SGCD: variants seen among roughly 807,000 people sequenced by gnomAD.
SGCD encodes the protein sarcoglycan delta.
In SGCD, 18 loss-of-function variants were observed where a neutral mutation model predicts 36.6. The observed-to-expected ratio is 0.49, with a 90% CI of 0.34 to 0.73. SGCD has a LOEUF of 0.73. Ranked by LOEUF, SGCD falls within the 30% of genes least tolerant of loss-of-function variation. The pLI is 0.01. For synonymous variants in SGCD, 133 were observed against 130.6 expected (o/e 1.02, Z -0.12); for missense variants, 387 against 346.7 (o/e 1.12, Z -0.92).
At chr5:156,403,629 A>C (rs1176502577) in intron 3 of SGCD, among the ~76,000 whole-genome samples, 2 of 152,156 alleles carry the variant, frequency 1.3e-5, no homozygotes, top group Non-Finnish European at 2.9e-5. Flanking sequence ...CTTTGTGTGC[A>C]CATCTAGAAT....
chr5:156,034,897 G>A (rs925682393), intron 1 of SGCD, among the ~76,000 whole-genome samples: 1 of 152,224 alleles, frequency 6.6e-6, no homozygotes, highest in Non-Finnish European at 1.5e-5. Flanking sequence ...GTTAAAATGT[G>A]TAGTTCAGAG....
intron 7 of SGCD, among the ~76,000 whole-genome samples, chr5:156,676,260 C>G (rs1420949320): frequency 6.6e-6 from 1 of 152,090 alleles, no homozygotes; most frequent in Non-Finnish European, 1.5e-5. Context: ...TCTCATAACC[C>G]CAGGTTGTTG....
At chr5:156,054,284 C>CTTTT (rs70981996) in intron 1 of SGCD, among the ~76,000 whole-genome samples, 2 of 80,386 alleles carry the variant, frequency 2.5e-5, no homozygotes, top group African/African-American at 3.8e-5. Context: ...AACTTTCCTT[C>CTTTT]TTTTTTTTTT....
At position 156,646,840 on chromosome 5, in the gene SGCD, G is replaced by T. The variant is rs548431782; in HGVS notation, c.503-624G>T. ...GTGTTGACAAGTTGTAAAGATAAAA[G>T]CTTATAGCACAGTCAAGAGCTAAAT... On this transcript the variant is annotated intron_variant, in intron 6 of 8. Coordinates refer to ENST00000337851, the MANE Select transcript of SGCD (RefSeq NM_000337.6). Among the ~76,000 whole-genome samples the T allele has an allele frequency of 2.6e-5, 4 of 152,274 alleles. No homozygotes were observed. In the South Asian group the frequency reaches 8.3e-4, roughly 32 times the overall value.
chr5:156,128,950 G>T (rs1327261693), intron 3 of SGCD, among the ~76,000 whole-genome samples: 1 of 152,168 alleles, frequency 6.6e-6, no homozygotes, highest in Non-Finnish European at 1.5e-5. Context: ...GGTGAAAGAA[G>T]TCTAACACCA....
chr5:156,733,385 C>A (rs1487642069), intron 7 of SGCD, among the ~76,000 whole-genome samples: 1 of 151,768 alleles, frequency 6.6e-6, no homozygotes, highest in Non-Finnish European at 1.5e-5. Flanking sequence ...GTTTGAGAGA[C>A]TGTTATTATT....
intron 3 of SGCD, among the ~76,000 whole-genome samples, chr5:156,453,766 T>A (rs1754130227): frequency 6.6e-6 from 1 of 152,158 alleles, no homozygotes; most frequent in Non-Finnish European, 1.5e-5. Flanking sequence ...AAAACTCTGG[T>A]ACATCCATAC....
chr5:156,598,472 G>A (rs1214483217), intron 6 of SGCD, among the ~76,000 whole-genome samples: 1 of 152,212 alleles, frequency 6.6e-6, no homozygotes, highest in Non-Finnish European at 1.5e-5. Flanking sequence ...AACCCAGGTG[G>A]TGGAGGTTGC....
intron 3 of SGCD, among the ~76,000 whole-genome samples, chr5:156,469,447 A>G (rs980627086): frequency 6.6e-6 from 1 of 152,240 alleles, no homozygotes; most frequent in Non-Finnish European, 1.5e-5. Flanking sequence ...CCAAGTATGC[A>G]TAGTAATATA....
At chr5:156,145,939 C>T (rs568959770) in intron 3 of SGCD, among the ~76,000 whole-genome samples, 20 of 152,282 alleles carry the variant, frequency 1.3e-4, no homozygotes, top group Admixed American at 4.6e-4. Context: ...TGAGGCCAGG[C>T]GTGGTGGCTC....
At chr5:156,132,177 G>A (rs1275938225) in intron 3 of SGCD, among the ~76,000 whole-genome samples, 1 of 152,122 alleles carries the variant, frequency 6.6e-6, no homozygotes, top group Non-Finnish European at 1.5e-5. Context: ...TGAGGGTGGG[G>A]AGATGGGTGA....
chr5:156,101,645 C>G (rs937510885), intron 1 of SGCD, among the ~76,000 whole-genome samples: 1 of 152,082 alleles, frequency 6.6e-6, no homozygotes, highest in Admixed American at 6.6e-5. Flanking sequence ...ACTTTTATTG[C>G]TTAAATTACA....
At chr5:156,019,792 G>A (rs1352671568) in intron 1 of SGCD, among the ~76,000 whole-genome samples, 1 of 152,152 alleles carries the variant, frequency 6.6e-6, no homozygotes, top group Non-Finnish European at 1.5e-5. Flanking sequence ...ATAATGTGCG[G>A]TAGTGATCGT....
At chr5:156,319,676 C>A (rs143713605) in intron 3 of SGCD, among the ~76,000 whole-genome samples, 9 of 152,304 alleles carry the variant, frequency 5.9e-5, no homozygotes, top group African/African-American at 2.2e-4. Flanking sequence ...CCCTACGAGG[C>A]AGCTAGGTAT....
At chr5:156,516,605 A>G (rs1420793728) in intron 4 of SGCD, among the ~76,000 whole-genome samples, 1 of 152,232 alleles carries the variant, frequency 6.6e-6, no homozygotes, top group African/African-American at 2.4e-5. Context: ...AGAGTGCCTC[A>G]TCTCCTCCAA....
chr5:156,394,295 T>C (rs940196483), intron 3 of SGCD, among the ~76,000 whole-genome samples: 2 of 152,232 alleles, frequency 1.3e-5, no homozygotes, highest in Non-Finnish European at 2.9e-5. Context: ...TTATAAACTA[T>C]TTTTTACACA....
In SGCD at chr5:156,061,204, T is replaced by C. The variant is rs1265814103; in HGVS notation, c.-281-56674T>C. Among the ~76,000 whole-genome samples, 9 of 145,474 alleles carry C rather than the reference T, an allele frequency of 6.2e-5. 2 individuals are homozygous for C. The highest frequency in any genetic ancestry group is 2.1e-4 in the Admixed American group (3 of 14,536). ...TTTTTTTGCTAAAATTTTTCAGTAG[T>C]TCCCAGTGTTATCCAAACCATACAT... On this transcript the variant is annotated intron_variant, in intron 1 of 9. Transcript: ENST00000517913.
At chr5:156,423,565 C>T (rs1387374593) in intron 3 of SGCD, among the ~76,000 whole-genome samples, 1 of 150,098 alleles carries the variant, frequency 6.7e-6, no homozygotes, top group East Asian at 1.9e-4. Flanking sequence ...AGCATCATTT[C>T]TTGTTTTGAA....
intron 1 of SGCD, among the ~76,000 whole-genome samples, chr5:156,048,597 G>A (rs990754251): frequency 3.3e-5 from 5 of 152,120 alleles, no homozygotes; most frequent in African/African-American, 1.2e-4. Flanking sequence ...ATTTTTTGAT[G>A]TGTCTTTTGG....
Sources: gnomAD v4.1 joint callset for allele counts (sites outside exome capture counted in the v4.1 genomes callset) on GRCh38, gnomAD v4.1.1 for gene constraint, MANE v1.5 for transcripts, NCBI Gene and HGNC (gene_info 2026-07-23, HGNC 2026-07-21) for gene names.